Variants in MYO15B observed in about 807,000 individuals in gnomAD.
MYO15B encodes myosin XVB.
Under a neutral mutation model 119.3 loss-of-function variants are expected in MYO15B, and 207 were observed. The observed-to-expected ratio is 1.73, with a 90% CI of 1.55 to 1.95. The LOEUF (loss-of-function observed/expected upper bound fraction) is 1.95, where lower values mean the gene tolerates loss of function less well. MYO15B is among the 30% of genes most tolerant of loss of function. The pLI is 0.00. For synonymous variants in MYO15B, 966 were observed against 498.9 expected (o/e 1.94, Z -12.48); for missense variants, 2,264 against 1,203.1 (o/e 1.88, Z -13.04).
At chr17:75,615,480 C>G (rs1349009588) in intron 34 of MYO15B, 23 bp from the exon 35 acceptor site, 1 of 680,528 alleles carries the variant, frequency 1.5e-6, no homozygotes, top group East Asian at 2.7e-5. Context: ...GCCCACCACT[C>G]TGGCCGCCTG....
exon 20 of MYO15B, chr17:75,605,603 T>C: frequency 1.4e-6 from 1 of 702,828 alleles, no homozygotes; most frequent in South Asian, 1.5e-5. Context: ...CACCTCTCTA[T>C]CACCTTGGAG....
At chr17:75,587,930 T>C in exon 1 of MYO15B, 2 of 396,260 alleles carry the variant, frequency 5.0e-6, no homozygotes, top group Non-Finnish European at 8.9e-6. Context: ...CCTCGGGGAG[T>C]AGAGCCTGTA....
rs1216804086 is a variant in MYO15B, at chr17:75,620,228, T to C, written c.7444-18T>C. 2 of 702,424 alleles carry C rather than the reference T, an allele frequency of 2.8e-6. No individual in the cohort carries two copies. Among genetic ancestry groups the C allele is most frequent in the Admixed American group, 2.0e-5 (1 of 50,008 alleles). 43.5% of individuals were successfully genotyped at this position (702,424 alleles called of 1,614,324 possible). ...CAGGCAGACTTGCTGCTCCAGGCCC[T>C]CGCCTGCTTGCCCACAGGACTCCGG... On this transcript the variant is annotated intron_variant, in intron 47 of 63. Coordinates refer to ENST00000645453, the Ensembl canonical transcript of MYO15B.
chr17:75,624,546 G>A, exon 58 of MYO15B: 2 of 703,036 alleles, frequency 2.8e-6, no homozygotes, highest in Non-Finnish European at 2.6e-6. Flanking sequence ...TGCCCAGGTA[G>A]CAGCAGAAGT....
chr17:75,617,737 T>C (rs2058465445), intron 41 of MYO15B, 73 bp from the exon 42 acceptor site: 1 of 641,774 alleles, frequency 1.6e-6, no homozygotes, highest in Non-Finnish European at 2.9e-6. Flanking sequence ...GATGAAGGTC[T>C]TCCCTCCCGT....
At chr17:75,599,895 AAAT>A (rs139880034) in intron 14 of MYO15B, among the ~76,000 whole-genome samples, 110,281 of 145,440 alleles carry the variant, frequency 0.76, 41,922 homozygotes, top group Admixed American at 0.82. Flanking sequence ...ACTCGTCTCA[AAAT>A]AATAATAATA....
chr17:75,598,866 G>T (rs2057057429), intron 14 of MYO15B, among the ~76,000 whole-genome samples: 1 of 142,062 alleles, frequency 7.0e-6, no homozygotes. Flanking sequence ...GATTTCCAGG[G>T]CTCAGCAATA....
At chr17:75,588,301 G>A (rs1267848161) in exon 1 of MYO15B, 1 of 398,256 alleles carries the variant, frequency 2.5e-6, no homozygotes, top group Non-Finnish European at 4.4e-6. Context: ...ACGCCCAGGG[G>A]CTGGGCTGTC....
chr17:75,612,688 T>G, intron 25 of MYO15B, 110 bp from the exon 26 acceptor site: 2 of 638,796 alleles, frequency 3.1e-6, no homozygotes, highest in Non-Finnish European at 2.8e-6. Context: ...GGCATTAAGA[T>G]GCATTTCTGT....
intron 59 of MYO15B, 81 bp from the exon 60 acceptor site, chr17:75,625,042 A>C: frequency 1.5e-6 from 1 of 657,358 alleles, no homozygotes; most frequent in Non-Finnish European, 2.8e-6. Flanking sequence ...CAGTGGCAAA[A>C]GGAGGCTTGA....
chr17:75,594,541 CG>C lies in MYO15B; in HGVS notation c.3061del (p.Val1021TyrfsTer51). On this transcript the variant is annotated frameshift_variant, in exon 10 of 64. Transcript: ENST00000645453. LOFTEE classifies it high-confidence loss of function. ...GATCCACACAGCAGCCCGACTGCTG[CG>C]GGTACCACCAGAGTGCCTGGAGGGG... 1 of 638,340 alleles carries C rather than the reference CG, an allele frequency of 1.6e-6. No homozygotes were observed. The highest frequency in any genetic ancestry group is 2.8e-6 in the Non-Finnish European group (1 of 354,134). 39.5% of individuals were successfully genotyped at this position (638,340 alleles called of 1,614,324 possible). A position where few individuals can be genotyped will look rare whatever the true frequency, so the allele number is the denominator to read the frequency against.
rs932097627 is a variant in MYO15B at position 75,625,131 on chromosome 17, G to A, written c.8697G>A (p.Trp2899Ter). The change falls in exon 60 of 64, where the codon TGG becomes TGA. Residue 2899 changes from tryptophan to a stop codon, truncating the protein, a stop_gained. Transcript: ENST00000645453. LOFTEE classifies it high-confidence loss of function. ...CCGTGCTCCCCGCACAGGTGCTGTG[G>A]GACTACCTTCAGGGGAAGCTGCCAG... 4.3e-6 allele frequency: 3 copies of A among 698,062 alleles called. No homozygotes were observed. Among genetic ancestry groups the A allele is most frequent in the Admixed American group, 4.0e-5 (2 of 49,598 alleles). 43.2% of individuals were successfully genotyped at this position (698,062 alleles called of 1,614,324 possible).
Position 75,624,450 on chromosome 17 carries a change from G to A in MYO15B, c.8445+3G>A. 2.8e-6 allele frequency: 2 copies of A among 702,840 alleles called. No homozygotes were observed. Among genetic ancestry groups the A allele is most frequent in the Non-Finnish European group, 5.2e-6 (2 of 385,004 alleles). 43.5% of individuals were successfully genotyped at this position (702,840 alleles called of 1,614,324 possible). A position where few individuals can be genotyped will look rare whatever the true frequency, so the allele number is the denominator to read the frequency against. On this transcript the variant is annotated splice_donor_region_variant and intron_variant, in intron 57 of 63. Coordinates refer to ENST00000645453, the Ensembl canonical transcript of MYO15B. ...GGACGAATATCCAGACTTTCACAGT[G>A]AGCTTGGGGGCCACCAAGGGAGGAG...
exon 17 of MYO15B, chr17:75,602,870 G>C: frequency 1.5e-6 from 1 of 672,210 alleles, no homozygotes; most frequent in South Asian, 1.6e-5. Flanking sequence ...CCCCAGTCCA[G>C]GGGAGGGCGA....
rs781380175 is a variant in MYO15B at position 75,590,161 on chromosome 17, C to T, written c.2104C>T (p.Leu702=). 7.6e-4 allele frequency: 303 copies of T among 398,994 alleles called. 1 individual carries two copies. The highest frequency in any genetic ancestry group is 1.2e-3 in the Non-Finnish European group (267 of 226,112). The allele number at this position is 398,994 out of a possible 1,614,324, so 24.7% of individuals were successfully genotyped here. The change falls in exon 1 of 64, where the codon CTG becomes TTG. Residue 702 remains leucine, a synonymous_variant. Coordinates refer to ENST00000645453, the Ensembl canonical transcript of MYO15B. ...CCTGGAGCTGAGCCTCCGGCCGGGC[C>T]TGGAGGCGCCACCCTTCCCCGGTGC...
exon 11 of MYO15B, chr17:75,594,719 G>A: frequency 1.4e-6 from 1 of 703,086 alleles, no homozygotes; most frequent in East Asian, 2.7e-5. Flanking sequence ...CTATGGCCAG[G>A]TCTCGCGATC....
At chr17:75,609,459 G>GCTAC (rs1489524628) in intron 21 of MYO15B, among the ~76,000 whole-genome samples, 44 of 149,102 alleles carry the variant, frequency 3.0e-4, no homozygotes, top group African/African-American at 1.1e-3. Flanking sequence ...ACAGGCATGA[G>GCTAC]CTACCGTACC....
intron 15 of MYO15B, 49 bp from the exon 16 acceptor site, chr17:75,602,468 T>A (rs1041279061): frequency 4.3e-6 from 3 of 702,824 alleles, no homozygotes; most frequent in African/African-American, 3.5e-5. Flanking sequence ...TTGGTTCCTG[T>A]TCTCCTCCCT....
chr17:75,612,943 A>T (rs1475259187), intron 26 of MYO15B, 31 bp from the exon 27 acceptor site: 1 of 690,962 alleles, frequency 1.4e-6, no homozygotes, highest in Non-Finnish European at 2.7e-6. Flanking sequence ...GGAGCCCCGC[A>T]CGTCCTGTCC....
Sources: gnomAD v4.1 joint callset for allele counts (sites outside exome capture counted in the v4.1 genomes callset) on GRCh38, gnomAD v4.1.1 for gene constraint, MANE v1.5 for transcripts, NCBI Gene and HGNC (gene_info 2026-07-23, HGNC 2026-07-21) for gene names.